AFF2: variants seen among roughly 807,000 people sequenced by gnomAD.
AFF2 encodes AF4/FMR2 family member 2.
AFF2 carries 14 observed loss-of-function variants against 76.9 expected under a neutral mutation model. That is an observed-to-expected ratio of 0.18 (90% CI 0.12 to 0.28). The LOEUF (loss-of-function observed/expected upper bound fraction) is 0.28. Ranked by LOEUF, AFF2 falls within the 10% of genes least tolerant of loss-of-function variation. AFF2 has a pLI of 1.00. For synonymous variants in AFF2, 398 were observed against 366.7 expected (o/e 1.09, Z -0.98); for missense variants, 868 against 1,001.1 (o/e 0.87, Z 1.79).
Position 148,837,628 on chromosome X carries a change from C to A in AFF2, c.1087-19C>A. The A allele has an allele frequency of 9.6e-7, 1 of 1,046,979 alleles. No individual in the cohort carries two copies. The highest frequency in any genetic ancestry group is 1.3e-6 in the Non-Finnish European group (1 of 748,307). 86.3% of individuals were successfully genotyped at this position (1,046,979 alleles called of 1,213,427 possible). On this transcript the variant is annotated intron_variant, in intron 4 of 20. Coordinates refer to ENST00000370460, the MANE Select transcript of AFF2 (RefSeq NM_002025.4). ...TTTTAATTGCCCTGAAATAAAGTTT[C>A]TTTATTTTTCCTCATTAGGAGATGA... is the stretch of plus-strand genomic sequence containing the variant.
intron 1 of AFF2, among the ~76,000 whole-genome samples, chrX:148,622,683 T>G: frequency 9.0e-6 from 1 of 111,630 alleles, no homozygotes; most frequent in Non-Finnish European, 1.9e-5. Flanking sequence ...TCAAGAGCTC[T>G]AAGTCAAGAC....
intron 3 of AFF2, among the ~76,000 whole-genome samples, chrX:148,766,202 TCCTTTGGGTATATA>T (rs2069514300): frequency 9.1e-6 from 1 of 110,181 alleles, no homozygotes; most frequent in African/African-American, 3.3e-5. Flanking sequence ...TGATTTATAG[TCCTTTGGGTATATA>T]CCCAGTAATG....
rs1438705899 is a variant in AFF2 at position 148,500,886 on chromosome X, C to T, written c.-212C>T. ...AGTGGGCGACCAGGCGCTTGCCCGC[C>T]CAGTGCCACTGCCGCCGCTTCCTCG... On this transcript the variant is annotated 5_prime_UTR_variant, in exon 1 of 21. Transcript: ENST00000370460. 2.6e-6 allele frequency: 1 copy of T among 387,114 alleles called. No individual in the cohort carries two copies. The highest frequency in any genetic ancestry group is 4.2e-6 in the Non-Finnish European group (1 of 236,188). The allele number at this position is 387,114 out of a possible 1,213,427, so 31.9% of individuals were successfully genotyped here. A position where few individuals can be genotyped will look rare whatever the true frequency, so the allele number is the denominator to read the frequency against.
intron 3 of AFF2, among the ~76,000 whole-genome samples, chrX:148,698,597 C>CA (rs781826277): frequency 1.6e-3 from 184 of 112,037 alleles, no homozygotes; most frequent in Non-Finnish European, 2.9e-3. Context: ...TTAGCACATG[C>CA]AAAAAATGGA....
chrX:148,950,315 C>G (rs1557286486), intron 9 of AFF2, among the ~76,000 whole-genome samples: 1 of 112,140 alleles, frequency 8.9e-6, no homozygotes, highest in Non-Finnish European at 1.9e-5. Context: ...TCTACAGTCT[C>G]CAGCAAGCCC....
At chrX:148,685,776 C>G (rs1339107233) in intron 3 of AFF2, among the ~76,000 whole-genome samples, 1 of 110,888 alleles carries the variant, frequency 9.0e-6, no homozygotes, top group Admixed American at 9.6e-5. Flanking sequence ...CAAAATATCA[C>G]TTAATCTTCA....
chrX:148,863,404 A>G (rs1389314885), intron 7 of AFF2, among the ~76,000 whole-genome samples: 1 of 111,734 alleles, frequency 8.9e-6, no homozygotes, highest in Non-Finnish European at 1.9e-5. Context: ...TGATGGTCTC[A>G]CACCTCATCT....
chrX:148,631,770 A>G (rs1363898672), intron 1 of AFF2, among the ~76,000 whole-genome samples: 1 of 112,148 alleles, frequency 8.9e-6, no homozygotes, highest in Non-Finnish European at 1.9e-5. Flanking sequence ...TAGGGAGGTA[A>G]GTGGGAGATA....
rs782297014 is a variant in AFF2 at position 148,568,650 on chromosome X, T to C, written c.47+67506T>C. On this transcript the variant is annotated intron_variant, in intron 1 of 20. Transcript: ENST00000370460. ...GTTTGCTTGACATTTACTTTGTATG[T>C]AAATAATCCAGTATATTGGCATGTC... Among the ~76,000 whole-genome samples the C allele has an allele frequency of 9.3e-4, 104 of 112,025 alleles. 1 individual carries two copies. Among genetic ancestry groups the C allele is most frequent in the African/African-American group, 3.2e-3 (99 of 30,904 alleles).
At chrX:148,561,046 A>T (rs782029744) in intron 1 of AFF2, among the ~76,000 whole-genome samples, 10 of 112,033 alleles carry the variant, frequency 8.9e-5, no homozygotes, top group South Asian at 3.7e-4. Flanking sequence ...TTTTTGTAAG[A>T]CAATGGCTTC....
chrX:148,698,797 G>GTTTTTTTT (rs142604433), intron 3 of AFF2, among the ~76,000 whole-genome samples: 7 of 71,711 alleles, frequency 9.8e-5, no homozygotes, highest in Non-Finnish European at 1.6e-4. Context: ...GAGTTCTAGT[G>GTTTTTTTT]TTTTTTTTTT....
intron 3 of AFF2, among the ~76,000 whole-genome samples, chrX:148,681,642 AAAAG>A (rs1175237788): frequency 3.4e-4 from 37 of 108,450 alleles, no homozygotes; most frequent in African/African-American, 1.1e-3. Flanking sequence ...AGAGAAGAGA[AAAAG>A]AAAGAGAAAG....
intron 1 of AFF2, among the ~76,000 whole-genome samples, chrX:148,510,298 TG>T (rs1253329942): frequency 1.3e-3 from 140 of 111,959 alleles, no homozygotes; most frequent in African/African-American, 4.3e-3. Context: ...ACATTTCCTA[TG>T]TTACAGGTTC....
intron 3 of AFF2, among the ~76,000 whole-genome samples, chrX:148,755,908 T>G (rs2055556461): frequency 8.9e-6 from 1 of 112,087 alleles, no homozygotes; most frequent in African/African-American, 3.2e-5. Context: ...CAACTGAAGT[T>G]GAAACACTGG....
Position 148,581,063 on chromosome X carries a change from G to GTA in AFF2, c.48-70929_48-70928dup, listed in dbSNP as rs1222785383. 2.0e-4 allele frequency among the ~76,000 whole-genome samples: 16 copies of GTA among 81,953 alleles called. 3 individuals are homozygous for GTA. Among genetic ancestry groups the GTA allele is most frequent in the South Asian group, 1.7e-3 (3 of 1,790 alleles). The allele number at this position is 81,953 out of a possible 115,157, so 71.2% of individuals were successfully genotyped here. A position where few individuals can be genotyped will look rare whatever the true frequency, so the allele number is the denominator to read the frequency against. Reference sequence around the variant, plus strand: ...CACATATATACACATATGTGTATATGTATATATACACACATATATACATAT... The same window carrying GTA: ...CACATATATACACATATGTGTATATGTATATATATACACACATATATACATAT... On this transcript the variant is annotated intron_variant, in intron 1 of 20. Coordinates refer to ENST00000370460, the MANE Select transcript of AFF2 (RefSeq NM_002025.4).
intron 20 of AFF2, among the ~76,000 whole-genome samples, chrX:148,988,806 A>G (rs2072502639): frequency 8.9e-6 from 1 of 111,932 alleles, no homozygotes; most frequent in Admixed American, 9.5e-5. Context: ...TTGTGCAGCA[A>G]TTTCTATGTG....
Position 148,987,388 on chromosome X carries a change from T to C in AFF2, c.3645T>C (p.Ser1215=). 1 of 1,209,792 alleles carries C rather than the reference T, an allele frequency of 8.3e-7. No individual in the cohort carries two copies. The highest frequency in any genetic ancestry group is 1.1e-6 in the Non-Finnish European group (1 of 894,628). ...CCAGGAACACTCCATCCCCAGTGTC[T>C]CTCAACAACGTCTCCCCCATCAACG... The part of the protein sequence containing the change: ...SNGKNTPSPV[S]LNNVSPINAM... The change falls in exon 20 of 21, where the codon TCT becomes TCC. Residue 1215 remains serine, a synonymous_variant. Transcript: ENST00000370460.
At chrX:148,712,071 A>G (rs1385679050) in intron 3 of AFF2, among the ~76,000 whole-genome samples, 1 of 111,858 alleles carries the variant, frequency 8.9e-6, no homozygotes, top group Non-Finnish European at 1.9e-5. Flanking sequence ...TCCACACACA[A>G]TAAACAGACA....
At chrX:148,808,220 G>A (rs781930631) in intron 3 of AFF2, among the ~76,000 whole-genome samples, 1 of 111,714 alleles carries the variant, frequency 9.0e-6, no homozygotes. Context: ...GCTTATAGTT[G>A]TGCATTAACT....
Sources: gnomAD v4.1 joint callset for allele counts (sites outside exome capture counted in the v4.1 genomes callset) on GRCh38, gnomAD v4.1.1 for gene constraint, MANE v1.5 for transcripts, NCBI Gene and HGNC (gene_info 2026-07-23, HGNC 2026-07-21) for gene names.